The following ZNF292 variants were observed in gnomAD, a reference collection of about 807,000 sequenced individuals.
ZNF292 encodes the protein 16 zinc-finger domain protein.
In ZNF292, 26 loss-of-function variants were observed where a neutral mutation model predicts 217.9. The observed-to-expected ratio is 0.12, with a 90% confidence interval of 0.09 to 0.17. The LOEUF (loss-of-function observed/expected upper bound fraction) is 0.17. ZNF292 is among the 10% of genes least tolerant of loss of function. ZNF292 has a pLI of 1.00. For missense variants in ZNF292, 2,904 were observed against 3,175.2 expected (o/e 0.91, Z 2.05); for synonymous variants, 1,257 against 1,124.1 (o/e 1.12, Z -2.37).
rs1479306630 is a variant in ZNF292, at chr6:87,216,149, AC to A, written c.323+93del. 26 of 1,188,316 alleles carry A rather than the reference AC, an allele frequency of 2.2e-5. No homozygotes were observed. The African/African-American group carries it at 3.9e-4, about 18-fold the overall frequency. The allele number at this position is 1,188,316 out of a possible 1,614,324, so 73.6% of individuals were successfully genotyped here. A position where few individuals can be genotyped will look rare whatever the true frequency, so the allele number is the denominator to read the frequency against. ...CACACACACACACACACACACACAC[AC>A]ACACACAACATTAAATCTCAAGTCT... On this transcript the variant is annotated intron_variant, in intron 2 of 7. Transcript: ENST00000369577.
intron 1 of ZNF292, among the ~76,000 whole-genome samples, chr6:87,202,336 A>G (rs1772121808): frequency 6.6e-6 from 1 of 152,188 alleles, no homozygotes; most frequent in South Asian, 2.1e-4. Flanking sequence ...TTTAAAAATT[A>G]TAGTTTCTAA....
At chr6:87,220,902 T>A (rs1425382341) in intron 4 of ZNF292, among the ~76,000 whole-genome samples, 1 of 152,118 alleles carries the variant, frequency 6.6e-6, no homozygotes, top group Non-Finnish European at 1.5e-5. Context: ...ACCAGAGAGA[T>A]GTTACATGAT....
intron 1 of ZNF292, among the ~76,000 whole-genome samples, chr6:87,172,267 A>G: frequency 6.6e-6 from 1 of 152,208 alleles, no homozygotes; most frequent in Non-Finnish European, 1.5e-5. Context: ...GAAATTTCCC[A>G]GTAGTCAGAA....
At position 87,178,041 on chromosome 6, in the gene ZNF292, GTTTTC is replaced by G. The variant is rs1177702779; in HGVS notation, c.168+22287_168+22291del. Reference sequence around the variant, plus strand: ...ATTTGCCTTAGCTTTCTCCTTTAGTGTTTTCTTTTTTTTATTGACTTGGTTTCACC... The same window carrying G: ...ATTTGCCTTAGCTTTCTCCTTTAGTGTTTTTTTTATTGACTTGGTTTCACC... On this transcript the variant is annotated intron_variant, in intron 1 of 7. Transcript: ENST00000369577. Among the ~76,000 whole-genome samples, 9 of 149,902 alleles carry G rather than the reference GTTTTC, an allele frequency of 6.0e-5. No homozygotes were observed. The East Asian group carries it at 1.7e-3, about 29-fold the overall frequency.
At chr6:87,202,498 C>G (rs1772125992) in intron 1 of ZNF292, among the ~76,000 whole-genome samples, 1 of 152,014 alleles carries the variant, frequency 6.6e-6, no homozygotes, top group Non-Finnish European at 1.5e-5. Context: ...GCTTTTATTT[C>G]TTTTTCAGAT....
Position 87,259,124 on chromosome 6 carries a change from A to G in ZNF292, c.5495A>G (p.His1832Arg), listed in dbSNP as rs369444299. 2.2e-5 allele frequency: 36 copies of G among 1,613,310 alleles called. No individual in the cohort carries two copies. The highest frequency in any genetic ancestry group is 2.9e-5 in the Non-Finnish European group (34 of 1,179,666). The change falls in exon 8 of 8, where the codon CAT becomes CGT. Residue 1832 changes from histidine (H) to arginine (R), a missense_variant. Transcript: ENST00000369577. ...KSNIPQSEVSHKEDQIQEILE... is the reference protein window; with the variant it reads ...KSNIPQSEVSRKEDQIQEILE... ...AACATTCCTCAGTCTGAAGTATCACATAAGGAGGATCAAATACAGGAAATT... is the reference window on the plus strand; with the variant it reads ...AACATTCCTCAGTCTGAAGTATCACGTAAGGAGGATCAAATACAGGAAATT...
intron 1 of ZNF292, among the ~76,000 whole-genome samples, chr6:87,192,383 A>G (rs1771843299): frequency 1.3e-5 from 2 of 151,746 alleles, no homozygotes; most frequent in African/African-American, 4.8e-5. Flanking sequence ...TTTTAACCCT[A>G]GCGAAAATAA....
At chr6:87,227,700 T>C (rs182707766) in intron 4 of ZNF292, among the ~76,000 whole-genome samples, 5 of 152,332 alleles carry the variant, frequency 3.3e-5, no homozygotes, top group African/African-American at 9.6e-5. Flanking sequence ...ATATTTTTCT[T>C]TTTATGACTG....
rs769441736 is a variant in ZNF292 at position 87,247,291 on chromosome 6, A to ACGTG, written c.1020+1649_1020+1652dup. ...CCGCAACACACACACATGCGCACGC[A>ACGTG]CGTGCATGCATGCATGCATGCACAA... On this transcript the variant is annotated intron_variant, in intron 7 of 7. Transcript: ENST00000369577. Among the ~76,000 whole-genome samples the ACGTG allele has an allele frequency of 2.5e-3, 211 of 85,868 alleles. 2 individuals are homozygous for ACGTG. Among genetic ancestry groups the ACGTG allele is most frequent in the Non-Finnish European group, 3.3e-3 (158 of 48,022 alleles). 56.3% of individuals were successfully genotyped at this position (85,868 alleles called of 152,430 possible).
At chr6:87,208,283 T>G (rs188334611) in intron 1 of ZNF292, among the ~76,000 whole-genome samples, 1 of 152,246 alleles carries the variant, frequency 6.6e-6, no homozygotes, top group East Asian at 1.9e-4. Flanking sequence ...GTCTTTTCAT[T>G]CCTAAAATTC....
At chr6:87,196,661 C>G (rs1252228114) in intron 1 of ZNF292, among the ~76,000 whole-genome samples, 1 of 150,628 alleles carries the variant, frequency 6.6e-6, no homozygotes, top group Non-Finnish European at 1.5e-5. Context: ...AGTGTTGAAC[C>G]AGGTTGTTGG....
chr6:87,191,887 C>T (rs1036931176), intron 1 of ZNF292, among the ~76,000 whole-genome samples: 5 of 152,134 alleles, frequency 3.3e-5, no homozygotes, highest in African/African-American at 4.8e-5. Flanking sequence ...GTCTCGACCT[C>T]CTGACCTCAG....
rs2127884955 is a variant in ZNF292 at position 87,265,192 on chromosome 6, G to C, written c.*3391G>C. Among the ~76,000 whole-genome samples the C allele has an allele frequency of 6.6e-6, 1 of 151,798 alleles. No homozygotes were observed. The highest frequency in any genetic ancestry group is 1.5e-5 in the Non-Finnish European group (1 of 67,952). ...CAGTGTTGCACGATCTCGGCTTACT[G>C]CAACTTCTGCCTCCCAAGTTCAAGT... On this transcript the variant is annotated 3_prime_UTR_variant, in exon 8 of 8. Transcript: ENST00000369577.
Position 87,233,330 on chromosome 6 carries a change from G to A in ZNF292, c.544G>A (p.Glu182Lys). 1 of 1,602,594 alleles carries A rather than the reference G, an allele frequency of 6.2e-7. No homozygotes were observed. Among genetic ancestry groups the A allele is most frequent in the Non-Finnish European group, 8.5e-7 (1 of 1,174,148 alleles). Residue 182 changes from glutamate to lysine, a missense_variant, in exon 5 of 8, where the codon GAA becomes AAA. Physicochemically the swap from Glu to Lys is moderately conservative, Grantham distance 56 (BLOSUM62 1). This residue lies in a region of ZNF292 where 313 missense variants were observed against 451.0 expected (regional missense o/e 0.69). Coordinates refer to ENST00000369577, the MANE Select transcript of ZNF292 (RefSeq NM_015021.3). ...QEPLDKDKVN[E>K]FLAFEGPILL... Reference sequence around the variant, plus strand: ...TTATGTCTTGTTTTTTAAAGTGAATGAATTTTTAGCTTTTGAGGGTCCCAT... The same window carrying A: ...TTATGTCTTGTTTTTTAAAGTGAATAAATTTTTAGCTTTTGAGGGTCCCAT...
chr6:87,233,570 G>A, intron 5 of ZNF292, 43 bp downstream of exon 5: 3 of 1,572,300 alleles, frequency 1.9e-6, no homozygotes, highest in East Asian at 4.5e-5. Flanking sequence ...TTTAAGTTGA[G>A]AAATTAATTT....
intron 1 of ZNF292, among the ~76,000 whole-genome samples, chr6:87,188,323 G>A (rs1033318854): frequency 6.6e-6 from 1 of 152,128 alleles, no homozygotes; most frequent in Non-Finnish European, 1.5e-5. Context: ...AACAACTCAG[G>A]CTGTTTTGAT....
At chr6:87,253,265 A>G (rs562738470) in intron 7 of ZNF292, among the ~76,000 whole-genome samples, 97 of 132,424 alleles carry the variant, frequency 7.3e-4, no homozygotes, top group Middle Eastern at 4.4e-3. Context: ...CACTTTTGTC[A>G]TGCAGGCTGG....
At chr6:87,245,933 A>G (rs1461854540) in intron 7 of ZNF292, among the ~76,000 whole-genome samples, 3 of 152,316 alleles carry the variant, frequency 2.0e-5, no homozygotes, top group East Asian at 1.9e-4. Context: ...TAATTTGGCT[A>G]TAGAAATTTA....
intron 1 of ZNF292, among the ~76,000 whole-genome samples, chr6:87,194,873 C>T (rs1473835904): frequency 6.6e-6 from 1 of 151,604 alleles, no homozygotes. Flanking sequence ...TGCAGGAATT[C>T]AGTGCTGGTT....
Sources: gnomAD v4.1 joint callset for allele counts (sites outside exome capture counted in the v4.1 genomes callset) on GRCh38, gnomAD v4.1.1 for gene constraint, gnomAD v4.1.1 regional missense constraint, MANE v1.5 for transcripts, NCBI Gene and HGNC (gene_info 2026-07-23, HGNC 2026-07-21) for gene names.